The following ADAM7 variants were observed in gnomAD, a reference collection of about 807,000 sequenced individuals.
ADAM7 encodes disintegrin and metalloproteinase domain-containing protein 7.
ADAM7 carries 97 observed loss-of-function variants against 102.9 expected under a neutral mutation model. The ratio of observed to expected loss-of-function variants is 0.94; its 90% confidence interval spans 0.80 to 1.12. ADAM7 has a LOEUF of 1.12. Ranked by LOEUF, ADAM7 falls within the 50% of genes most tolerant of loss-of-function variation. The probability of loss-of-function intolerance (pLI) is 0.00; values close to 1 mark genes in which losing one functional copy is unlikely to be tolerated. For synonymous variants in ADAM7, 334 were observed against 304.4 expected, an observed-to-expected ratio of 1.10 and a Z score of -1.01; for missense variants, 991 against 908.7, an observed-to-expected ratio of 1.09 and a Z score of -1.16.
intron 3 of ADAM7, among the ~76,000 whole-genome samples, chr8:24,451,582 G>T (rs1818792016): frequency 6.6e-6 from 1 of 151,922 alleles, no homozygotes; most frequent in Admixed American, 6.6e-5. Flanking sequence ...CAATTTTGTT[G>T]ATCCTTTCAA....
At chr8:24,485,052 C>T (rs1014226355) in intron 9 of ADAM7, among the ~76,000 whole-genome samples, 3 of 151,952 alleles carry the variant, frequency 2.0e-5, no homozygotes, top group African/African-American at 7.3e-5. Context: ...GATCCACCTG[C>T]CTCGGCCTCC....
chr8:24,442,694 C>T, intron 2 of ADAM7, 118 bp downstream of exon 2: 2 of 784,796 alleles, frequency 2.5e-6, no homozygotes, highest in Admixed American at 1.9e-5. Flanking sequence ...CTAAGGACTC[C>T]CATTCGGCAT....
Position 24,481,607 on chromosome 8 carries a change from C to A in ADAM7, c.706-535C>A, listed in dbSNP as rs1819954262. Among the ~76,000 whole-genome samples the A allele has an allele frequency of 2.6e-5, 4 of 152,336 alleles. No individual in the cohort carries two copies. In the South Asian group the frequency reaches 8.3e-4, roughly 32 times the overall value. ...TAGGTGTGAGGTTTATAGGCTACAA[C>A]TATTTCTGCCTGCTTAGAGCAACCC... On this transcript the variant is annotated intron_variant, in intron 8 of 21. Coordinates refer to ENST00000175238, the MANE Select transcript of ADAM7 (RefSeq NM_003817.4).
intron 13 of ADAM7, among the ~76,000 whole-genome samples, chr8:24,491,359 A>G (rs892411508): frequency 6.6e-6 from 1 of 152,218 alleles, no homozygotes; most frequent in Admixed American, 6.5e-5. Context: ...GTGAATTCAC[A>G]AAGAAAACAA....
chr8:24,507,548 G>A lies in ADAM7; in HGVS notation c.2264+13G>A, dbSNP rs754050937. On this transcript the variant is annotated intron_variant, in intron 21 of 21. Coordinates refer to ENST00000175238, the MANE Select transcript of ADAM7 (RefSeq NM_003817.4). ...AAAGTGCCAAGTGGTAGGTTACCCT[G>A]ACAGATAGTACCTCCCTTTTTTATT... The A allele has an allele frequency of 6.9e-6, 11 of 1,600,756 alleles. No homozygotes were observed. The highest frequency in any genetic ancestry group is 9.4e-6 in the Non-Finnish European group (11 of 1,168,038).
chr8:24,460,515 G>T (rs1016643661), intron 3 of ADAM7, among the ~76,000 whole-genome samples: 1 of 151,538 alleles, frequency 6.6e-6, no homozygotes, highest in Non-Finnish European at 1.5e-5. Flanking sequence ...TTCCCTGCTG[G>T]CTTCTTATTA....
chr8:24,478,542 G>A (rs910114960), intron 8 of ADAM7, among the ~76,000 whole-genome samples: 5 of 152,056 alleles, frequency 3.3e-5, no homozygotes, highest in Non-Finnish European at 5.9e-5. Flanking sequence ...ATTCATCATA[G>A]TCACAGTCCT....
chr8:24,451,539 G>C (rs577530225), intron 3 of ADAM7, among the ~76,000 whole-genome samples: 2 of 151,838 alleles, frequency 1.3e-5, no homozygotes, highest in South Asian at 4.2e-4. Flanking sequence ...TTCTTCTCTC[G>C]TTTCTTCTTT....
chr8:24,505,910 A>T (rs1304439964), intron 20 of ADAM7, among the ~76,000 whole-genome samples: 1 of 152,156 alleles, frequency 6.6e-6, no homozygotes, highest in Admixed American at 6.6e-5. Context: ...CTGCCTCATC[A>T]TATTCATATC....
At chr8:24,468,684 A>G (rs1032178109) in intron 6 of ADAM7, 83 bp from the exon 7 acceptor site, 3 of 1,235,974 alleles carry the variant, frequency 2.4e-6, no homozygotes, top group East Asian at 2.3e-5. Context: ...TACCTTGAAA[A>G]TACTAGGATT....
chr8:24,483,481 T>G (rs1354008015), intron 9 of ADAM7, among the ~76,000 whole-genome samples: 8 of 152,178 alleles, frequency 5.3e-5, no homozygotes, highest in Non-Finnish European at 1.2e-4. Flanking sequence ...TCTTCTATTA[T>G]TATTTAGACG....
Position 24,501,511 on chromosome 8 carries a change from G to A in ADAM7, c.2143G>A (p.Gly715Arg). Residue 715 changes from glycine to arginine, a missense_variant, in exon 20 of 22, where the codon GGA (glycine) becomes AGA (arginine). By Grantham distance (125) the Gly-to-Arg change is moderately radical (BLOSUM62 -2). Coordinates refer to ENST00000175238, the MANE Select transcript of ADAM7 (RefSeq NM_003817.4). ...PTETLGVENKGYFGDEQQIRT... is the reference protein window; with the variant it reads ...PTETLGVENKRYFGDEQQIRT... ...AGAAACCCTGGGAGTGGAGAACAAA[G>A]GATACTTTGGTGATGAGCAGCAGAT... 1 of 1,608,190 alleles carries A rather than the reference G, an allele frequency of 6.2e-7. No individual in the cohort carries two copies. Among genetic ancestry groups the A allele is most frequent in the Non-Finnish European group, 8.5e-7 (1 of 1,177,996 alleles).
In ADAM7 at chr8:24,467,008, CT is replaced by C; in HGVS notation, c.579+23del. On this transcript the variant is annotated intron_variant, in intron 6 of 21. Coordinates refer to ENST00000175238, the MANE Select transcript of ADAM7 (RefSeq NM_003817.4). ...ATAAAAGTGAGTACTTTATTATTAT[CT>C]TTACCCCAAATGAAACACCTTTTAT... 6.3e-7 allele frequency: 1 copy of C among 1,590,884 alleles called. No homozygotes were observed. Among genetic ancestry groups the C allele is most frequent in the Non-Finnish European group, 8.6e-7 (1 of 1,162,456 alleles).
intron 10 of ADAM7, among the ~76,000 whole-genome samples, chr8:24,486,723 C>T (rs1040343548): frequency 6.6e-6 from 1 of 152,092 alleles, no homozygotes; most frequent in African/African-American, 2.4e-5. Context: ...GGATCTCATT[C>T]AAACCTCTTT....
At chr8:24,449,664 T>C (rs1818704322) in intron 3 of ADAM7, among the ~76,000 whole-genome samples, 1 of 152,176 alleles carries the variant, frequency 6.6e-6, no homozygotes, top group Admixed American at 6.5e-5. Flanking sequence ...TTAGATCCCA[T>C]TTGTCAATTT....
chr8:24,480,869 GT>G (rs1316098472), intron 8 of ADAM7, among the ~76,000 whole-genome samples: 1 of 151,888 alleles, frequency 6.6e-6, no homozygotes, highest in African/African-American at 2.4e-5. Flanking sequence ...CTGAGACATC[GT>G]CCCAACAACA....
At chr8:24,504,097 G>A (rs1003232546) in intron 20 of ADAM7, among the ~76,000 whole-genome samples, 1 of 151,962 alleles carries the variant, frequency 6.6e-6, no homozygotes, top group Admixed American at 6.6e-5. Context: ...GCCAGGCACA[G>A]TGGCTCACAG....
chr8:24,442,629 C>A, intron 2 of ADAM7, 53 bp downstream of exon 2: 1 of 1,404,910 alleles, frequency 7.1e-7, no homozygotes, highest in Non-Finnish European at 1.0e-6. Flanking sequence ...GGCATGTAGA[C>A]AGTTGTCTCT....
intron 3 of ADAM7, among the ~76,000 whole-genome samples, chr8:24,463,506 C>T (rs892080949): frequency 1.3e-4 from 20 of 151,998 alleles, no homozygotes; most frequent in African/African-American, 3.4e-4. Flanking sequence ...TATATTAAGA[C>T]GTACTCGCCA....
Sources: gnomAD v4.1 joint callset for allele counts (sites outside exome capture counted in the v4.1 genomes callset) on GRCh38, gnomAD v4.1.1 for gene constraint, MANE v1.5 for transcripts, NCBI Gene and HGNC (gene_info 2026-07-23, HGNC 2026-07-21) for gene names.